KCND2: variants seen among roughly 807,000 people sequenced by gnomAD.
KCND2 encodes the protein A-type voltage-gated potassium channel KCND2.
KCND2 carries 16 observed loss-of-function variants against 54.4 expected under a neutral mutation model. The observed-to-expected ratio is 0.29, with a 90% CI of 0.20 to 0.45. The LOEUF (loss-of-function observed/expected upper bound fraction) is 0.45. Among genes scored for constraint, KCND2 ranks in the 20% least tolerant of loss-of-function variants. KCND2 has a pLI of 1.00. For synonymous variants in KCND2, 317 were observed against 310.7 expected (o/e 1.02, Z -0.21); for missense variants, 486 against 824.2 (o/e 0.59, Z 5.02).
intron 1 of KCND2, among the ~76,000 whole-genome samples, chr7:120,579,704 T>A (rs1569089): frequency 0.76 from 115,181 of 151,244 alleles, 46,928 homozygotes; most frequent in Middle Eastern, 0.92. Flanking sequence ...TTCTTTTTTT[T>A]AAAAAAAATC....
At chr7:120,561,374 G>C (rs1432373440) in intron 1 of KCND2, among the ~76,000 whole-genome samples, 1 of 152,006 alleles carries the variant, frequency 6.6e-6, no homozygotes, top group Non-Finnish European at 1.5e-5. Flanking sequence ...GAAGGAGAAG[G>C]TTATTAATAA....
At chr7:120,523,153 ACCATT>A (rs1791720455) in intron 1 of KCND2, among the ~76,000 whole-genome samples, 1 of 152,168 alleles carries the variant, frequency 6.6e-6, no homozygotes, top group Non-Finnish European at 1.5e-5. Flanking sequence ...AGAGTGGTAA[ACCATT>A]CTGTGATTGT....
intron 1 of KCND2, among the ~76,000 whole-genome samples, chr7:120,723,090 G>A (rs989526293): frequency 1.3e-5 from 2 of 152,162 alleles, no homozygotes; most frequent in African/African-American, 4.8e-5. Flanking sequence ...GGAAGAGATG[G>A]AAGCAATGGC....
rs545261566 is a variant in KCND2 at position 120,652,288 on chromosome 7, A to G, written c.1116-80615A>G. Among the ~76,000 whole-genome samples, 14 of 152,142 alleles carry G rather than the reference A, an allele frequency of 9.2e-5. No homozygotes were observed. The East Asian group carries it at 2.7e-3, about 30-fold the overall frequency. On this transcript the variant is annotated intron_variant, in intron 1 of 5. Coordinates refer to ENST00000331113, the MANE Select transcript of KCND2 (RefSeq NM_012281.3). ...ATGGAGTTTCACCATGTTGGCCAGGATGGTCTTGATCTCCTGAATTCGTGG... is the reference window on the plus strand; with the variant it reads ...ATGGAGTTTCACCATGTTGGCCAGGGTGGTCTTGATCTCCTGAATTCGTGG...
chr7:120,438,358 G>C (rs909115493), intron 1 of KCND2, among the ~76,000 whole-genome samples: 3 of 152,068 alleles, frequency 2.0e-5, no homozygotes, highest in Non-Finnish European at 4.4e-5. Flanking sequence ...ATGACTCTTG[G>C]TATAGCCTCC....
At chr7:120,537,071 A>G (rs1295077375) in intron 1 of KCND2, among the ~76,000 whole-genome samples, 1 of 152,122 alleles carries the variant, frequency 6.6e-6, no homozygotes, top group East Asian at 1.9e-4. Flanking sequence ...ATCACTCTCT[A>G]TGTCAGCTAT....
At chr7:120,662,826 T>G (rs1791882823) in intron 1 of KCND2, among the ~76,000 whole-genome samples, 1 of 152,196 alleles carries the variant, frequency 6.6e-6, no homozygotes, top group Non-Finnish European at 1.5e-5. Flanking sequence ...TTCTGTTACC[T>G]GCTCATTTTT....
intron 1 of KCND2, among the ~76,000 whole-genome samples, chr7:120,591,808 G>T (rs975524858): frequency 6.6e-6 from 1 of 152,142 alleles, no homozygotes. Context: ...TGTGGTACTT[G>T]CCACTATGTG....
intron 1 of KCND2, among the ~76,000 whole-genome samples, chr7:120,706,269 AAAAT>A (rs1371137438): frequency 6.6e-6 from 1 of 152,176 alleles, no homozygotes; most frequent in Non-Finnish European, 1.5e-5. Flanking sequence ...TTTAGACCAA[AAAAT>A]AAATAAATAA....
At chr7:120,592,548 C>T (rs1395815234) in intron 1 of KCND2, among the ~76,000 whole-genome samples, 1 of 152,104 alleles carries the variant, frequency 6.6e-6, no homozygotes, top group Non-Finnish European at 1.5e-5. Flanking sequence ...GAAGAAGAAG[C>T]AAATAGACCA....
chr7:120,371,742 A>G (rs1395818501), intron 1 of KCND2, among the ~76,000 whole-genome samples: 1 of 151,924 alleles, frequency 6.6e-6, no homozygotes, highest in African/African-American at 2.4e-5. Context: ...CTATTCTACT[A>G]CAACTCCTAC....
At chr7:120,672,393 G>A (rs1792003425) in intron 1 of KCND2, among the ~76,000 whole-genome samples, 1 of 152,078 alleles carries the variant, frequency 6.6e-6, no homozygotes, top group Admixed American at 6.5e-5. Context: ...TGTCAGACAT[G>A]TTGGTGACAT....
At chr7:120,585,915 T>A (rs1792594139) in intron 1 of KCND2, among the ~76,000 whole-genome samples, 1 of 152,152 alleles carries the variant, frequency 6.6e-6, no homozygotes. Flanking sequence ...AATGAGAAAA[T>A]TCTCCAGGTT....
At chr7:120,657,168 A>G (rs1289652208) in intron 1 of KCND2, among the ~76,000 whole-genome samples, 1 of 152,198 alleles carries the variant, frequency 6.6e-6, no homozygotes, top group Non-Finnish European at 1.5e-5. Context: ...CTAGATATGC[A>G]TGGAAATGGA....
chr7:120,450,340 G>A (rs539017696), intron 1 of KCND2, among the ~76,000 whole-genome samples: 1 of 152,072 alleles, frequency 6.6e-6, no homozygotes, highest in Non-Finnish European at 1.5e-5. Context: ...AACCTGGGAG[G>A]TGAGGTTGCA....
At chr7:120,522,106 T>G (rs1241251609) in intron 1 of KCND2, among the ~76,000 whole-genome samples, 1 of 152,214 alleles carries the variant, frequency 6.6e-6, no homozygotes, top group Non-Finnish European at 1.5e-5. Flanking sequence ...GCTTCAGCTC[T>G]GGGCCTCCCT....
At chr7:120,299,551 C>T (rs1799558234) in intron 1 of KCND2, among the ~76,000 whole-genome samples, 1 of 152,126 alleles carries the variant, frequency 6.6e-6, no homozygotes, top group African/African-American at 2.4e-5. Context: ...ATTATTTAAA[C>T]AAGAGACATT....
rs577725902 is a variant in KCND2, at chr7:120,474,807, T to C, written c.1115+199060T>C. 7.9e-5 allele frequency among the ~76,000 whole-genome samples: 12 copies of C among 152,290 alleles called. No individual in the cohort carries two copies. In the South Asian group the frequency reaches 2.3e-3, roughly 29 times the overall value. On this transcript the variant is annotated intron_variant, in intron 1 of 5. Coordinates refer to ENST00000331113, the MANE Select transcript of KCND2 (RefSeq NM_012281.3). The stretch of plus-strand genomic sequence containing the variant: ...CCAGGACACGTAAAGCTTATTTGTT[T>C]CTCTATATATTGTCACTTTAGTCTT...
At chr7:120,333,523 C>T (rs547102020) in intron 1 of KCND2, among the ~76,000 whole-genome samples, 43 of 151,954 alleles carry the variant, frequency 2.8e-4, no homozygotes, top group Non-Finnish European at 4.9e-4. Context: ...ACCAGCAAAC[C>T]CTGTTTATGA....
Sources: allele counts gnomAD v4.1 joint callset (sites outside exome capture counted in the v4.1 genomes callset), GRCh38; gene constraint gnomAD v4.1.1; transcripts MANE v1.5; gene names NCBI Gene and HGNC (gene_info 2026-07-23, HGNC 2026-07-21).